SPECC1L: variants seen among roughly 807,000 people sequenced by gnomAD.
SPECC1L encodes the protein sperm antigen with calponin homology and coiled-coil domains 1 like.
A neutral mutation model predicts 116.8 loss-of-function variants in SPECC1L; 40 were observed. The observed-to-expected ratio is 0.34, with a 90% CI of 0.27 to 0.45. SPECC1L has a LOEUF of 0.45. SPECC1L is among the 20% of genes least tolerant of loss of function. SPECC1L has a pLI of 1.00. For missense variants in SPECC1L, 1,110 were observed against 1,373.6 expected, an observed-to-expected ratio of 0.81 and a Z score of 3.03; for synonymous variants, 504 against 500.6, an observed-to-expected ratio of 1.01 and a Z score of -0.09.
chr22:24,317,285 G>T (rs1427061775), intron 4 of SPECC1L, among the ~76,000 whole-genome samples: 38 of 117,706 alleles, frequency 3.2e-4, no homozygotes, highest in Non-Finnish European at 3.8e-4. Context: ...CCTCCCTCCC[G>T]GACGGGGCGG....
Position 24,415,052 on chromosome 22 carries a change from T to A in SPECC1L, c.*429T>A, listed in dbSNP as rs976914215. On this transcript the variant is annotated 3_prime_UTR_variant, in exon 17 of 17. Coordinates refer to ENST00000314328, the MANE Select transcript of SPECC1L (RefSeq NM_015330.6). Reference sequence around the variant, plus strand: ...TTCCTGACTATTGGCTGGGGTGGGTTCCGGTGCTGGTGAGAACCCAGAAGG... The same window carrying A: ...TTCCTGACTATTGGCTGGGGTGGGTACCGGTGCTGGTGAGAACCCAGAAGG... 1 of 248,026 alleles carries A rather than the reference T, an allele frequency of 4.0e-6. No homozygotes were observed. The highest frequency in any genetic ancestry group is 8.1e-6 in the Non-Finnish European group (1 of 123,286). 15.4% of individuals were successfully genotyped at this position (248,026 alleles called of 1,614,324 possible). A position where few individuals can be genotyped will look rare whatever the true frequency, so the allele number is the denominator to read the frequency against.
chr22:24,381,623 G>A (rs1023749704), intron 14 of SPECC1L, among the ~76,000 whole-genome samples: 37 of 152,158 alleles, frequency 2.4e-4, no homozygotes, highest in Admixed American at 1.5e-3. Flanking sequence ...GGTGGCTCAT[G>A]CCTGTAATCC....
At chr22:24,314,169 C>T (rs532713475) in intron 4 of SPECC1L, among the ~76,000 whole-genome samples, 120 of 152,154 alleles carry the variant, frequency 7.9e-4, no homozygotes, top group Non-Finnish European at 1.3e-3. Context: ...CTCAGCCTCC[C>T]GAGCAGCTAG....
At position 24,362,462 on chromosome 22, in the gene SPECC1L, A is replaced by G. The variant is rs538542502; in HGVS notation, c.2744-799A>G. The stretch of plus-strand genomic sequence containing the variant: ...GCTGAAAATGGAGATGGTCGAAGCA[A>G]TATCTGATTGTGTCCTTCCCTGAAG... On this transcript the variant is annotated intron_variant, in intron 11 of 16. Coordinates refer to ENST00000314328, the MANE Select transcript of SPECC1L (RefSeq NM_015330.6). Among the ~76,000 whole-genome samples, 11 of 152,294 alleles carry G rather than the reference A, an allele frequency of 7.2e-5. No homozygotes were observed. The East Asian group carries it at 1.2e-3, about 16-fold the overall frequency.
chr22:24,289,016 C>G (rs568593177), intron 2 of SPECC1L, among the ~76,000 whole-genome samples: 101 of 152,282 alleles, frequency 6.6e-4, no homozygotes, highest in African/African-American at 2.4e-3. Context: ...TATTTCACAT[C>G]AGAGGTTGTT....
intron 2 of SPECC1L, among the ~76,000 whole-genome samples, chr22:24,290,317 G>A (rs937887072): frequency 5.9e-5 from 9 of 152,310 alleles, no homozygotes; most frequent in African/African-American, 1.7e-4. Flanking sequence ...AGTTTCTTTC[G>A]TCCTGGAGTT....
At chr22:24,289,836 A>G (rs545723633) in intron 2 of SPECC1L, among the ~76,000 whole-genome samples, 10 of 152,122 alleles carry the variant, frequency 6.6e-5, no homozygotes, top group Non-Finnish European at 1.3e-4. Flanking sequence ...TCAGTGCCCT[A>G]GTATTTGTGC....
At chr22:24,391,009 G>A (rs1372003710) in intron 14 of SPECC1L, among the ~76,000 whole-genome samples, 1 of 150,676 alleles carries the variant, frequency 6.6e-6, no homozygotes, top group Non-Finnish European at 1.5e-5. Context: ...CTGAGTAGCT[G>A]GGATTACAGG....
intron 9 of SPECC1L, among the ~76,000 whole-genome samples, chr22:24,337,783 T>C (rs2041090050): frequency 6.6e-6 from 1 of 152,204 alleles, no homozygotes; most frequent in Admixed American, 6.5e-5. Flanking sequence ...GAATCTGTGC[T>C]ATGCTCAACT....
chr22:24,292,643 C>G (rs532060078), intron 2 of SPECC1L, among the ~76,000 whole-genome samples: 52 of 151,988 alleles, frequency 3.4e-4, no homozygotes, highest in Middle Eastern at 3.2e-3. Flanking sequence ...TATGGGAGAC[C>G]CGGAAGGAGA....
At chr22:24,367,663 T>C (rs1305846816) in intron 13 of SPECC1L, among the ~76,000 whole-genome samples, 1 of 152,188 alleles carries the variant, frequency 6.6e-6, no homozygotes, top group African/African-American at 2.4e-5. Context: ...TTTTGGTTCT[T>C]AGAGCAATAA....
chr22:24,271,872 T>G (rs2048734303), intron 1 of SPECC1L, among the ~76,000 whole-genome samples: 1 of 152,230 alleles, frequency 6.6e-6, no homozygotes, highest in Admixed American at 6.5e-5. Flanking sequence ...AAAGAGCCTC[T>G]TAAGCCATGA....
intron 11 of SPECC1L, among the ~76,000 whole-genome samples, chr22:24,353,638 C>T (rs193015200): frequency 1.4e-4 from 21 of 151,866 alleles, no homozygotes; most frequent in African/African-American, 4.1e-4. Flanking sequence ...GAACTCCTGA[C>T]CTCAGGTGAT....
intron 14 of SPECC1L, among the ~76,000 whole-genome samples, chr22:24,405,733 A>T (rs552889688): frequency 1.3e-5 from 2 of 152,012 alleles, no homozygotes; most frequent in South Asian, 4.2e-4. Flanking sequence ...CCAGCTACTC[A>T]GGAGGCTGAT....
At position 24,322,874 on chromosome 22, in the gene SPECC1L, C is replaced by G; in HGVS notation, c.1894C>G (p.His632Asp). The change falls in exon 5 of 17, where the codon CAT becomes GAT. Residue 632 changes from histidine (H) to aspartate (D), a missense_variant. Transcript: ENST00000314328. ...LASSLQEDLAHTRNDANRLQD... is the reference protein window; with the variant it reads ...LASSLQEDLADTRNDANRLQD... Reference sequence around the variant, plus strand: ...TAGTAGCTTGCAGGAAGATCTGGCTCATACCCGAAATGATGCCAATCGATT... The same window carrying G: ...TAGTAGCTTGCAGGAAGATCTGGCTGATACCCGAAATGATGCCAATCGATT... 7.4e-6 allele frequency: 12 copies of G among 1,613,750 alleles called. No individual in the cohort carries two copies. Among genetic ancestry groups the G allele is most frequent in the Non-Finnish European group, 1.0e-5 (12 of 1,179,832 alleles).
chr22:24,319,902 A>AAATTTGTT (rs1253660912), intron 4 of SPECC1L, among the ~76,000 whole-genome samples: 15 of 152,218 alleles, frequency 9.9e-5, no homozygotes, highest in Non-Finnish European at 2.1e-4. Flanking sequence ...TTTAACATAA[A>AAATTTGTT]AATTTGTTAT....
At chr22:24,305,829 C>CCTTTCATGTTAAGCACTCACGGATGT (rs2049482989) in intron 3 of SPECC1L, among the ~76,000 whole-genome samples, 1 of 152,140 alleles carries the variant, frequency 6.6e-6, no homozygotes, top group African/African-American at 2.4e-5. Flanking sequence ...AATTGTTACT[C>CCTTTCATGTTAAGCACTCACGGATGT]CTTTCATGTT....
chr22:24,327,076 A>G (rs2040835370), intron 6 of SPECC1L, among the ~76,000 whole-genome samples: 1 of 151,788 alleles, frequency 6.6e-6, no homozygotes, highest in Non-Finnish European at 1.5e-5. Context: ...TCAGGAGTTC[A>G]AGACCAGCCT....
At chr22:24,320,418 A>G (rs1463703943) in intron 4 of SPECC1L, among the ~76,000 whole-genome samples, 1 of 152,246 alleles carries the variant, frequency 6.6e-6, no homozygotes. Context: ...ACGCATCATC[A>G]TTATTTAACA....
Sources: allele counts gnomAD v4.1 joint callset (sites outside exome capture counted in the v4.1 genomes callset), GRCh38; gene constraint gnomAD v4.1.1; transcripts MANE v1.5; gene names NCBI Gene and HGNC (gene_info 2026-07-23, HGNC 2026-07-21).